Variants in COX8A observed in about 807,000 individuals in gnomAD.
COX8A encodes cytochrome c oxidase subunit 8A, mitochondrial.
A neutral mutation model predicts 4.4 loss-of-function variants in COX8A; 6 were observed. The ratio of observed to expected loss-of-function variants is 1.36; its 90% CI spans 0.74 to 2.68. The LOEUF (loss-of-function observed/expected upper bound fraction) is 2.68. Among genes scored for constraint, COX8A ranks in the 30% most tolerant of loss-of-function variants. The pLI, the probability that COX8A is intolerant of heterozygous loss-of-function variation, is 0.00. For synonymous variants in COX8A, 53 were observed against 47.1 expected (o/e 1.12, Z -0.51); for missense variants, 72 against 89.6 (o/e 0.80, Z 0.79).
Position 63,976,429 on chromosome 11 carries a change from C to A in COX8A, c.*109C>A. ...TCCCCTGGATCATGTCATTCAATTC[C>A]AGTCACCTCTTCTGCAATCATGACC... On this transcript the variant is annotated 3_prime_UTR_variant, in exon 2 of 2. Coordinates refer to ENST00000314133, the MANE Select transcript of COX8A (RefSeq NM_004074.3). The A allele has an allele frequency of 1.0e-6, 1 of 975,462 alleles. No homozygotes were observed. The highest frequency in any genetic ancestry group is 1.6e-6 in the Non-Finnish European group (1 of 621,216). 60.4% of individuals were successfully genotyped at this position (975,462 alleles called of 1,614,324 possible). A position where few individuals can be genotyped will look rare whatever the true frequency, so the allele number is the denominator to read the frequency against.
chr11:63,976,527 A>T lies in COX8A; in HGVS notation c.*207A>T. The T allele has an allele frequency of 1.7e-6, 1 of 572,792 alleles. No individual in the cohort carries two copies. The highest frequency in any genetic ancestry group is 3.1e-6 in the Non-Finnish European group (1 of 320,096). The allele number at this position is 572,792 out of a possible 1,614,324, so 35.5% of individuals were successfully genotyped here. A position where few individuals can be genotyped will look rare whatever the true frequency, so the allele number is the denominator to read the frequency against. On this transcript the variant is annotated 3_prime_UTR_variant, in exon 2 of 2. Transcript: ENST00000314133. ...GGTGGGGTCCCCCTTGTAACAATAA[A>T]ATCTATTTAAACTTTACTTCAGAAA... is the stretch of plus-strand genomic sequence containing the variant.
In COX8A at chr11:63,975,841, A is replaced by C. The variant is rs190544689; in HGVS notation, c.115-384A>C. On this transcript the variant is annotated intron_variant, in intron 1 of 1. Transcript: ENST00000314133. ...GTGATCCGCCCGCCTTGGCCTCCCA[A>C]ATTGCTGGGATTACAGGTGTGAGCC... 1.2e-4 allele frequency among the ~76,000 whole-genome samples: 18 copies of C among 152,174 alleles called. No individual in the cohort carries two copies. In the East Asian group the frequency reaches 3.3e-3, roughly 28 times the overall value.
intron 1 of COX8A, among the ~76,000 whole-genome samples, chr11:63,975,950 T>A (rs1414931127): frequency 1.3e-5 from 2 of 152,194 alleles, no homozygotes; most frequent in Admixed American, 1.3e-4. Flanking sequence ...GGTGGTGCAT[T>A]TCTCCCTGAA....
rs777415880 is a variant in COX8A, at chr11:63,974,649, T to C, written c.-32T>C. On this transcript the variant is annotated 5_prime_UTR_variant, in exon 1 of 2. Coordinates refer to ENST00000314133, the MANE Select transcript of COX8A (RefSeq NM_004074.3). ...TGGCTTCCTGACCTTGGGCTACGGC[T>C]GACCGTTTTTTGTGGTGTACTCCGT... 6 of 1,575,052 alleles carry C rather than the reference T, an allele frequency of 3.8e-6. No homozygotes were observed. The highest frequency in any genetic ancestry group is 5.2e-6 in the Non-Finnish European group (6 of 1,158,344).
At chr11:63,975,264 C>T (rs537543816) in intron 1 of COX8A, among the ~76,000 whole-genome samples, 6 of 152,136 alleles carry the variant, frequency 3.9e-5, no homozygotes, top group African/African-American at 1.2e-4. Flanking sequence ...CTGCAGCCTC[C>T]GACTCCCGGG....
Position 63,976,255 on chromosome 11 carries a change from G to C in COX8A, c.145G>C (p.Val49Leu), listed in dbSNP as rs753459130. The change falls in exon 2 of 2, where the codon GTG becomes CTG. Residue 49 changes from valine (V) to leucine (L), a missense_variant. Physicochemically the swap from Val to Leu is conservative, Grantham distance 32. Coordinates refer to ENST00000314133, the MANE Select transcript of COX8A (RefSeq NM_004074.3). Reference sequence around the variant, plus strand: ...GGCCGTTGGGCTTACCTCCTGCTTCGTGACCTTCCTCCTGCCAGCGGGCTG... The same window carrying C: ...GGCCGTTGGGCTTACCTCCTGCTTCCTGACCTTCCTCCTGCCAGCGGGCTG... ...ELAVGLTSCFVTFLLPAGWIL... is the reference protein window; with the variant it reads ...ELAVGLTSCFLTFLLPAGWIL... The C allele has an allele frequency of 6.2e-7, 1 of 1,614,140 alleles. No individual in the cohort carries two copies. The highest frequency in any genetic ancestry group is 8.5e-7 in the Non-Finnish European group (1 of 1,180,034).
At chr11:63,975,703 C>T (rs1226402934) in intron 1 of COX8A, among the ~76,000 whole-genome samples, 2 of 151,990 alleles carry the variant, frequency 1.3e-5, no homozygotes, top group East Asian at 3.9e-4. Flanking sequence ...GCCTCAGTCT[C>T]CCGAGTAGCT....
At position 63,975,190 on chromosome 11, in the gene COX8A, T is replaced by C. The variant is rs575032179; in HGVS notation, c.114+396T>C. Among the ~76,000 whole-genome samples the C allele has an allele frequency of 2.9e-4, 44 of 152,330 alleles. 1 individual carries two copies. The East Asian group carries it at 7.1e-3, about 25-fold the overall frequency. On this transcript the variant is annotated intron_variant, in intron 1 of 1. Transcript: ENST00000314133. ...ATTTTATTTTATTTTATTTTACTTA[T>C]TTATTTTGAGACGGGTTCTCGCTCT...
At chr11:63,974,841 C>A (rs778838324) in intron 1 of COX8A, 47 bp downstream of exon 1, 12 of 1,483,638 alleles carry the variant, frequency 8.1e-6, no homozygotes, top group Middle Eastern at 4.5e-4. Context: ...TGGGCTGACC[C>A]CTTCTGCCTA....
chr11:63,974,718 C>A lies in COX8A; in HGVS notation c.38C>A (p.Thr13Lys). The A allele has an allele frequency of 6.2e-7, 1 of 1,609,976 alleles. No individual in the cohort carries two copies. The highest frequency in any genetic ancestry group is 8.5e-7 in the Non-Finnish European group (1 of 1,178,406). The change falls in exon 1 of 2, where the codon ACA (threonine) becomes AAA (lysine). Residue 13 changes from threonine (T) to lysine (K), a missense_variant. Physicochemically the swap from Thr to Lys is moderately conservative, Grantham distance 78. Transcript: ENST00000314133. ...VLTPLLLRGLTGSARRLPVPR... is the reference protein window; with the variant it reads ...VLTPLLLRGLKGSARRLPVPR... ...ACGCCGCTGCTGCTGCGGGGCTTGA[C>A]AGGCTCGGCCCGGCGGCTCCCAGTG...
rs765225340 is a variant in COX8A at position 63,976,351 on chromosome 11, C to T, written c.*31C>T. 1 of 1,596,188 alleles carries T rather than the reference C, an allele frequency of 6.3e-7. No homozygotes were observed. Among genetic ancestry groups the T allele is most frequent in the Non-Finnish European group, 8.6e-7 (1 of 1,163,962 alleles). ...TCCGTTCTGTCCCTCACACTGTGAC[C>T]TGACCAGCCCCACCGGCCCATCCTG... On this transcript the variant is annotated 3_prime_UTR_variant, in exon 2 of 2. Coordinates refer to ENST00000314133, the MANE Select transcript of COX8A (RefSeq NM_004074.3).
In COX8A at chr11:63,976,278, C is replaced by T; in HGVS notation, c.168C>T (p.Gly56=). The part of the protein sequence containing the change: ...SCFVTFLLPA[G]WILSHLETYR... ...TCGTGACCTTCCTCCTGCCAGCGGG[C>T]TGGATCCTGTCACACCTGGAGACCT... Residue 56 remains glycine, a synonymous_variant, in exon 2 of 2, where the codon GGC becomes GGT. Transcript: ENST00000314133. The T allele has an allele frequency of 6.2e-7, 1 of 1,614,204 alleles. No individual in the cohort carries two copies. The highest frequency in any genetic ancestry group is 8.5e-7 in the Non-Finnish European group (1 of 1,180,042).
chr11:63,974,909 A>G, intron 1 of COX8A, 115 bp downstream of exon 1: 1 of 1,008,094 alleles, frequency 9.9e-7, no homozygotes, highest in Non-Finnish European at 1.4e-6. Flanking sequence ...GGGGAGCAGC[A>G]GTGCCGGTTT....
In COX8A at chr11:63,974,725, G is replaced by A. The variant is rs1163498164; in HGVS notation, c.45G>A (p.Ser15=). The A allele has an allele frequency of 6.2e-7, 1 of 1,608,480 alleles. No individual in the cohort carries two copies. The highest frequency in any genetic ancestry group is 1.3e-5 in the African/African-American group (1 of 74,990). The change falls in exon 1 of 2, where the codon TCG becomes TCA. Residue 15 remains serine (S), a synonymous_variant. Transcript: ENST00000314133. ...TPLLLRGLTG[S]ARRLPVPRAK... is the part of the protein sequence containing the mutation. ...TGCTGCTGCGGGGCTTGACAGGCTC[G>A]GCCCGGCGGCTCCCAGTGCCGCGCG...
chr11:63,975,014 G>A (rs1349712226), intron 1 of COX8A, among the ~76,000 whole-genome samples: 1 of 152,102 alleles, frequency 6.6e-6, no homozygotes, highest in Non-Finnish European at 1.5e-5. Context: ...CAGGATCTCG[G>A]GTCTGGTCCT....
At position 63,976,316 on chromosome 11, in the gene COX8A, A is replaced by G. The variant is rs770232699; in HGVS notation, c.206A>G (p.Glu69Gly). The G allele has an allele frequency of 6.2e-7, 1 of 1,613,872 alleles. No individual in the cohort carries two copies. Among genetic ancestry groups the G allele is most frequent in the Non-Finnish European group, 8.5e-7 (1 of 1,179,922 alleles). ...LSHLETYRRPE is the reference protein window; with the variant it reads ...LSHLETYRRPG ...CACCTGGAGACCTACAGGAGGCCAG[A>G]GTGAAGGGGTCCGTTCTGTCCCTCA... Residue 69 changes from glutamate to glycine, a missense_variant, in exon 2 of 2, where the codon GAG becomes GGG. By Grantham distance (98) the Glu-to-Gly change is moderately conservative (BLOSUM62 -2). Transcript: ENST00000314133.
rs769037195 is a variant in COX8A at position 63,976,325 on chromosome 11, G to A, written c.*5G>A. On this transcript the variant is annotated 3_prime_UTR_variant, in exon 2 of 2. Coordinates refer to ENST00000314133, the MANE Select transcript of COX8A (RefSeq NM_004074.3). ...ACCTACAGGAGGCCAGAGTGAAGGG[G>A]TCCGTTCTGTCCCTCACACTGTGAC... The A allele has an allele frequency of 1.7e-5, 27 of 1,613,428 alleles. No homozygotes were observed. In the South Asian group the frequency reaches 2.4e-4, roughly 14 times the overall value.
chr11:63,975,316 C>CT (rs1395810859), intron 1 of COX8A, among the ~76,000 whole-genome samples: 1 of 150,312 alleles, frequency 6.7e-6, no homozygotes, highest in Non-Finnish European at 1.5e-5. Flanking sequence ...ATAGCTGGGA[C>CT]TACAGGCGCG....
In COX8A at chr11:63,976,248, C is replaced by T; in HGVS notation, c.138C>T (p.Ser46=). ...GIMELAVGLT[S]CFVTFLLPAG... is the part of the protein sequence containing the mutation. ...AGGAATTGGCCGTTGGGCTTACCTC[C>T]TGCTTCGTGACCTTCCTCCTGCCAG... is the stretch of plus-strand genomic sequence containing the variant. Residue 46 remains serine (S), a synonymous_variant, in exon 2 of 2, where the codon TCC becomes TCT. Coordinates refer to ENST00000314133, the MANE Select transcript of COX8A (RefSeq NM_004074.3). 1 of 1,614,200 alleles carries T rather than the reference C, an allele frequency of 6.2e-7. No individual in the cohort carries two copies. The highest frequency in any genetic ancestry group is 8.5e-7 in the Non-Finnish European group (1 of 1,180,020).
Sources: allele counts gnomAD v4.1 joint callset (sites outside exome capture counted in the v4.1 genomes callset), GRCh38; gene constraint gnomAD v4.1.1; transcripts MANE v1.5; gene names NCBI Gene and HGNC (gene_info 2026-07-23, HGNC 2026-07-21).